Variants in ZCCHC2 observed in about 807,000 individuals in gnomAD.
ZCCHC2 encodes zinc finger CCHC-type containing 2, also known as zinc finger CCHC domain-containing protein 2.
A neutral mutation model predicts 103.6 loss-of-function variants in ZCCHC2; 39 were observed. The ratio of observed to expected loss-of-function variants is 0.38; its 90% CI spans 0.29 to 0.49. ZCCHC2 has a LOEUF of 0.49. Among genes scored for constraint, ZCCHC2 ranks in the 20% least tolerant of loss-of-function variants. ZCCHC2 has a pLI of 0.96. For missense variants in ZCCHC2, 1,483 were observed against 1,491.0 expected, an observed-to-expected ratio of 0.99 and a Z score of 0.09; for synonymous variants, 687 against 608.9, an observed-to-expected ratio of 1.13 and a Z score of -1.89.
At position 62,544,778 on chromosome 18, in the gene ZCCHC2, ATATG is replaced by A; in HGVS notation, c.1129-22_1129-19del. 6.6e-7 allele frequency: 1 copy of A among 1,510,762 alleles called. No individual in the cohort carries two copies. Among genetic ancestry groups the A allele is most frequent in the Non-Finnish European group, 8.9e-7 (1 of 1,125,042 alleles). The allele number at this position is 1,510,762 out of a possible 1,614,324, so 93.6% of individuals were successfully genotyped here. A position where few individuals can be genotyped will look rare whatever the true frequency, so the allele number is the denominator to read the frequency against. ...TTCCTGCCTAGGGAATAACCATATA[ATATG>A]TGTGTTTTTTTTAAATCAGGTAAAT... On this transcript the variant is annotated intron_variant, in intron 3 of 13. Transcript: ENST00000269499.
chr18:62,569,724 A>G (rs970434524), intron 11 of ZCCHC2, among the ~76,000 whole-genome samples: 19 of 152,114 alleles, frequency 1.2e-4, no homozygotes, highest in Admixed American at 4.6e-4. Context: ...TTTTCATTGA[A>G]TAGGCATTTT....
chr18:62,548,782 AG>A (rs1215847270), intron 4 of ZCCHC2, among the ~76,000 whole-genome samples: 1 of 152,100 alleles, frequency 6.6e-6, no homozygotes. Context: ...AAAATTAGCC[AG>A]GGGTGGTGGT....
At chr18:62,534,129 G>T (rs1452341525) in intron 1 of ZCCHC2, among the ~76,000 whole-genome samples, 1 of 151,924 alleles carries the variant, frequency 6.6e-6, no homozygotes, top group Non-Finnish European at 1.5e-5. Context: ...TAGCAGCCTA[G>T]GCAACATACC....
downstream of ZCCHC2, among the ~76,000 whole-genome samples, chr18:62,580,560 G>GCGC: frequency 7.5e-6 from 1 of 133,036 alleles, no homozygotes; most frequent in African/African-American, 2.9e-5. Context: ...CGGTGTCACA[G>GCGC]TGCTGTGGAA....
At chr18:62,528,177 G>A (rs73963440) in intron 1 of ZCCHC2, among the ~76,000 whole-genome samples, 15,364 of 152,238 alleles carry the variant, frequency 0.1, 810 homozygotes, top group Non-Finnish European at 0.11. Flanking sequence ...TCGATACTAA[G>A]GCACAAAATT....
chr18:62,574,019 T>C, intron 12 of ZCCHC2, 38 bp from the exon 13 acceptor site: 1 of 1,567,210 alleles, frequency 6.4e-7, no homozygotes, highest in South Asian at 1.2e-5. Context: ...ATGGGAGTTA[T>C]GCCCGTGTTA....
At chr18:62,533,493 C>A (rs1193017638) in intron 1 of ZCCHC2, among the ~76,000 whole-genome samples, 1 of 152,074 alleles carries the variant, frequency 6.6e-6, no homozygotes, top group Non-Finnish European at 1.5e-5. Flanking sequence ...CCACTGCACT[C>A]CAACCAGGGT....
At chr18:62,565,251 T>C (rs1916309644) in intron 11 of ZCCHC2, among the ~76,000 whole-genome samples, 155 bp downstream of exon 11, 1 of 152,236 alleles carries the variant, frequency 6.6e-6, no homozygotes, top group Non-Finnish European at 1.5e-5. Flanking sequence ...TAAACAGTTC[T>C]GAAATCAATG....
intron 12 of ZCCHC2, among the ~76,000 whole-genome samples, chr18:62,570,994 G>C (rs566973438): frequency 6.6e-6 from 1 of 152,160 alleles, no homozygotes; most frequent in African/African-American, 2.4e-5. Flanking sequence ...TGAGCAAAAC[G>C]TTTTAGGTTC....
intron 12 of ZCCHC2, among the ~76,000 whole-genome samples, chr18:62,571,053 C>T (rs1472457849): frequency 1.3e-5 from 2 of 152,200 alleles, no homozygotes; most frequent in African/African-American, 2.4e-5. Context: ...CATCTTATTC[C>T]CCAGTTTTTC....
chr18:62,545,049 G>T (rs1452247077), intron 4 of ZCCHC2, among the ~76,000 whole-genome samples, 176 bp downstream of exon 4: 1 of 152,114 alleles, frequency 6.6e-6, no homozygotes, highest in Non-Finnish European at 1.5e-5. Flanking sequence ...TTTCTTACCT[G>T]ACATTACCAA....
intron 1 of ZCCHC2, among the ~76,000 whole-genome samples, chr18:62,534,456 A>G (rs1221743750): frequency 1.3e-5 from 2 of 152,104 alleles, no homozygotes; most frequent in African/African-American, 2.4e-5. Context: ...TATTGCTTGG[A>G]TAGTTGATGG....
At chr18:62,558,644 T>G (rs1452068027) in intron 6 of ZCCHC2, 43 bp from the exon 7 acceptor site, 2 of 1,186,304 alleles carry the variant, frequency 1.7e-6, no homozygotes, top group Non-Finnish European at 1.2e-6. Flanking sequence ...TTTCTTTATT[T>G]TAATTTTCCT....
At chr18:62,561,918 C>T (rs780178554) in intron 8 of ZCCHC2, among the ~76,000 whole-genome samples, 6 of 152,140 alleles carry the variant, frequency 3.9e-5, no homozygotes, top group Non-Finnish European at 7.3e-5. Flanking sequence ...ATTTCTTCTC[C>T]GCTTTTCTCT....
At position 62,523,377 on chromosome 18, in the gene ZCCHC2, C is replaced by CGCGG; in HGVS notation, c.-48_-47insGCGG. 1 of 230,576 alleles carries CGCGG rather than the reference C, an allele frequency of 4.3e-6. No individual in the cohort carries two copies. The highest frequency in any genetic ancestry group is 7.1e-6 in the Non-Finnish European group (1 of 140,646). 14.3% of individuals were successfully genotyped at this position (230,576 alleles called of 1,614,324 possible). A position where few individuals can be genotyped will look rare whatever the true frequency, so the allele number is the denominator to read the frequency against. On this transcript the variant is annotated 5_prime_UTR_variant, in exon 1 of 14. Coordinates refer to ENST00000269499, the MANE Select transcript of ZCCHC2 (RefSeq NM_017742.6). ...CCTCGGCCCGTGCTCCACCTCGCGG[C>CGCGG]CCCTCCCGCCCGCCCCCGCTCGCAT...
At chr18:62,541,004 A>T (rs1915148418) in intron 2 of ZCCHC2, among the ~76,000 whole-genome samples, 1 of 152,194 alleles carries the variant, frequency 6.6e-6, no homozygotes, top group Non-Finnish European at 1.5e-5. Flanking sequence ...AAAACCCAAG[A>T]TCCCCTACCC....
intron 5 of ZCCHC2, chr18:62,551,846 G>C (rs1462394870): frequency 6.6e-6 from 1 of 152,314 alleles, no homozygotes; most frequent in Non-Finnish European, 1.5e-5. Flanking sequence ...ATGGCTTAGG[G>C]TCAGGGCTTA....
chr18:62,538,068 A>G (rs889557742), intron 1 of ZCCHC2, among the ~76,000 whole-genome samples: 1 of 152,164 alleles, frequency 6.6e-6, no homozygotes, highest in Non-Finnish European at 1.5e-5. Flanking sequence ...TGTGAACTAT[A>G]TATGAGCAAT....
intron 2 of ZCCHC2, among the ~76,000 whole-genome samples, chr18:62,541,564 C>A (rs934966973): frequency 1.5e-4 from 1 of 6,748 alleles, no homozygotes; most frequent in Non-Finnish European, 1.9e-4. Flanking sequence ...GTACCCCCCA[C>A]ACCCATTCTG....
Sources: allele counts gnomAD v4.1 joint callset (sites outside exome capture counted in the v4.1 genomes callset), GRCh38; gene constraint gnomAD v4.1.1; transcripts MANE v1.5; gene names NCBI Gene and HGNC (gene_info 2026-07-23, HGNC 2026-07-21).